Variants in LARP4B observed in about 807,000 individuals in gnomAD.
The protein encoded by LARP4B is la-related protein 4B.
Under a neutral mutation model 89.8 loss-of-function variants are expected in LARP4B, and 12 were observed. The observed-to-expected ratio is 0.13, with a 90% CI of 0.09 to 0.22. The LOEUF (loss-of-function observed/expected upper bound fraction) is 0.22. Among genes scored for constraint, LARP4B ranks in the 10% least tolerant of loss-of-function variants. The pLI, the probability that LARP4B is intolerant of heterozygous loss-of-function variation, is 1.00. For missense variants in LARP4B, 757 were observed against 947.7 expected (o/e 0.80, Z 2.64); for synonymous variants, 367 against 363.3 (o/e 1.01, Z -0.12).
chr10:941,511 G>T, the LARP4B span, among the ~76,000 whole-genome samples: 5 of 151,940 alleles, frequency 3.3e-5, no homozygotes, highest in African/African-American at 1.2e-4. Flanking sequence ...ATGGGCGGGG[G>T]GTGTCTCACC....
At chr10:920,491 A>G (rs972290062) in intron 1 of LARP4B, among the ~76,000 whole-genome samples, 1 of 152,240 alleles carries the variant, frequency 6.6e-6, no homozygotes. Flanking sequence ...AGAATTAATC[A>G]GGCCAGACAC....
At chr10:914,903 T>A (rs899428192) in intron 1 of LARP4B, among the ~76,000 whole-genome samples, 1 of 151,300 alleles carries the variant, frequency 6.6e-6, no homozygotes, top group African/African-American at 2.4e-5. Flanking sequence ...TGTGGAAGAT[T>A]AATCTTGTGA....
intron 1 of LARP4B, among the ~76,000 whole-genome samples, chr10:925,726 T>C (rs1381414255): frequency 6.6e-6 from 1 of 151,902 alleles, no homozygotes. Flanking sequence ...TACAGACAGG[T>C]TTTCACCATG....
intron 1 of LARP4B, among the ~76,000 whole-genome samples, chr10:916,533 T>C (rs1836826895): frequency 6.6e-6 from 1 of 152,024 alleles, no homozygotes; most frequent in Non-Finnish European, 1.5e-5. Flanking sequence ...CCATCTCTAC[T>C]AAAAATACAA....
intron 1 of LARP4B, among the ~76,000 whole-genome samples, chr10:911,018 C>A (rs1384441585): frequency 2.6e-5 from 4 of 152,142 alleles, no homozygotes; most frequent in African/African-American, 9.7e-5. Flanking sequence ...GTAAATTATA[C>A]AAAATTGGAC....
intron 3 of LARP4B, chr10:873,323 C>T (rs1005884844): frequency 3.5e-5 from 34 of 985,378 alleles, no homozygotes; most frequent in African/African-American, 2.6e-4. Flanking sequence ...CAACAGAGCC[C>T]GACTGACAGC....
At chr10:945,643 A>C in the LARP4B span, among the ~76,000 whole-genome samples, 12 of 151,428 alleles carry the variant, frequency 7.9e-5, no homozygotes, top group Non-Finnish European at 1.8e-4. Context: ...AGCCAGGATC[A>C]CGCCACTGCA....
rs185867065 is a variant in LARP4B at position 832,969 on chromosome 10, T to C, written c.751-1992A>G. Among the ~76,000 whole-genome samples, 17 of 152,230 alleles carry C rather than the reference T, an allele frequency of 1.1e-4. No individual in the cohort carries two copies. In the East Asian group the frequency reaches 3.3e-3, roughly 29 times the overall value. On this transcript the variant is annotated intron_variant, in intron 8 of 17. Coordinates refer to ENST00000316157, the MANE Select transcript of LARP4B (RefSeq NM_015155.3). The stretch of plus-strand genomic sequence containing the variant: ...TTAAAGCAAACGTAACAACGATGTA[T>C]TGTGAGGCTTATGACTGTGTAGAAT...
At chr10:937,069 G>T in the LARP4B span, among the ~76,000 whole-genome samples, 1 of 152,134 alleles carries the variant, frequency 6.6e-6, no homozygotes, top group Non-Finnish European at 1.5e-5. Flanking sequence ...TGGAGACAGG[G>T]TCTTGCTCTG....
intron 1 of LARP4B, among the ~76,000 whole-genome samples, chr10:898,150 A>G (rs11253499): frequency 6.6e-6 from 1 of 152,112 alleles, no homozygotes; most frequent in African/African-American, 2.4e-5. Flanking sequence ...AAATGAAATT[A>G]AATAAAATGA....
intron 6 of LARP4B, among the ~76,000 whole-genome samples, chr10:844,522 C>T (rs1290154116): frequency 2.0e-5 from 3 of 152,188 alleles, no homozygotes; most frequent in East Asian, 1.9e-4. Flanking sequence ...CAAACCCAAT[C>T]CCATCCTCCT....
chr10:956,293 A>T, the LARP4B span, among the ~76,000 whole-genome samples: 1 of 152,060 alleles, frequency 6.6e-6, no homozygotes, highest in African/African-American at 2.4e-5. This position sits in a 1 kb window ranked among gnomAD's most constrained non-coding sequence, Gnocchi z 4.3. Context: ...TGGGCCCAGG[A>T]GTACACCTGC....
chr10:888,634 G>T (rs1329120724), intron 1 of LARP4B, among the ~76,000 whole-genome samples: 1 of 151,912 alleles, frequency 6.6e-6, no homozygotes, highest in African/African-American at 2.4e-5. Flanking sequence ...ATTTAAAATG[G>T]CAATAAATAT....
the LARP4B span, chr10:942,515 G>A: frequency 6.6e-6 from 1 of 152,170 alleles, no homozygotes; most frequent in African/African-American, 2.4e-5. Flanking sequence ...CTCTGTCCTG[G>A]AAGTCGGTTC....
chr10:964,913 C>T, the LARP4B span, among the ~76,000 whole-genome samples: 3 of 152,172 alleles, frequency 2.0e-5, no homozygotes. Context: ...GGGCCAGGCC[C>T]CACCAGGAGC....
the LARP4B span, among the ~76,000 whole-genome samples, chr10:970,586 C>G: frequency 2.6e-5 from 4 of 152,110 alleles, no homozygotes; most frequent in South Asian, 4.1e-4. Context: ...CCCTGAGTGA[C>G]CACTGAAGTG....
At chr10:982,010 C>A in the LARP4B span, among the ~76,000 whole-genome samples, 2 of 151,798 alleles carry the variant, frequency 1.3e-5, no homozygotes, top group African/African-American at 4.8e-5. Context: ...GGTAAACATG[C>A]TTTTAGCATA....
chr10:841,167 T>C (rs974101938), intron 7 of LARP4B, among the ~76,000 whole-genome samples: 1 of 151,942 alleles, frequency 6.6e-6, no homozygotes, highest in African/African-American at 2.4e-5. Flanking sequence ...ATAAATAAAT[T>C]CATTCGTCCA....
In LARP4B at chr10:811,030, A is replaced by G. The variant is rs1272756403; in HGVS notation, c.*1896T>C. 1 of 152,298 alleles carries G rather than the reference A, an allele frequency of 6.6e-6. No individual in the cohort carries two copies. The highest frequency in any genetic ancestry group is 1.5e-5 in the Non-Finnish European group (1 of 68,034). 9.4% of individuals were successfully genotyped at this position (152,298 alleles called of 1,614,324 possible). The stretch of plus-strand genomic sequence containing the variant: ...ACGATCCTGCCAGTTTTTGCTCTCT[A>G]TATACTTTAAAACTCTTTCACATTA... On this transcript the variant is annotated 3_prime_UTR_variant, in exon 18 of 18. Transcript: ENST00000316157.
Sources: gnomAD v4.1 joint callset for allele counts (sites outside exome capture counted in the v4.1 genomes callset) on GRCh38, gnomAD v4.1.1 for gene constraint, Gnocchi (gnomAD v3.1) non-coding constraint, MANE v1.5 for transcripts, NCBI Gene and HGNC (gene_info 2026-07-23, HGNC 2026-07-21) for gene names.